The following PRRT1B variants were observed in gnomAD, a reference collection of about 807,000 sequenced individuals.
PRRT1B encodes the protein dispanin subfamily D member 2.
chr9:131,551,036 G>A lies in PRRT1B; in HGVS notation c.26-3521G>A, dbSNP rs28784058. ...CGGCTCACTGCAAGCTCTGCCTCCC[G>A]GGTTCACGCCATTCTTCTGCCTCAG... On this transcript the variant is annotated intron_variant, in intron 1 of 3. Transcript: ENST00000636672. The surrounding 1 kb of genome is among the most constrained non-coding windows in gnomAD (Gnocchi z 4.4). Among the ~76,000 whole-genome samples, 9,409 of 147,852 alleles carry A rather than the reference G, an allele frequency of 0.064. 887 individuals carry two copies. Among genetic ancestry groups the A allele is most frequent in the African/African-American group, 0.21 (8,179 of 39,734 alleles).
Position 131,551,233 on chromosome 9 carries a change from C to T in PRRT1B, c.26-3324C>T, listed in dbSNP as rs1394180484. Among the ~76,000 whole-genome samples the T allele has an allele frequency of 2.0e-5, 3 of 151,970 alleles. No homozygotes were observed. Among genetic ancestry groups the T allele is most frequent in the Non-Finnish European group, 2.9e-5 (2 of 67,990 alleles). On this transcript the variant is annotated intron_variant, in intron 1 of 3. Transcript: ENST00000636672. The surrounding 1 kb of genome is among the most constrained non-coding windows in gnomAD (Gnocchi z 4.4). ...CTGGGATTACGGGTGTGAGCCACCG[C>T]GCCCGACCTGCGTTTAGTTTTTCAA...
chr9:131,548,620 T>G (rs1224057663), intron 1 of PRRT1B, among the ~76,000 whole-genome samples: 1 of 152,084 alleles, frequency 6.6e-6, no homozygotes, highest in Admixed American at 6.6e-5. Context: ...TCCCAAATCT[T>G]CCTTCTTTCC....
chr9:131,545,963 G>C (rs1950971668), intron 1 of PRRT1B, among the ~76,000 whole-genome samples: 2 of 152,210 alleles, frequency 1.3e-5, no homozygotes, highest in East Asian at 3.9e-4. Context: ...GTAGCAAGAT[G>C]GGGGAGAATG....
exon 2 of PRRT1B, chr9:131,554,898 C>T: frequency 2.6e-6 from 1 of 383,792 alleles, no homozygotes; most frequent in Non-Finnish European, 4.6e-6. Flanking sequence ...CCCGCCCTTC[C>T]CGCAGGTGCC....
At chr9:131,546,305 T>A in intron 1 of PRRT1B, among the ~76,000 whole-genome samples, 1 of 149,580 alleles carries the variant, frequency 6.7e-6, no homozygotes, top group Non-Finnish European at 1.5e-5. Flanking sequence ...CCGAGAGAGG[T>A]GGGGTGGGGG....
downstream of PRRT1B, among the ~76,000 whole-genome samples, chr9:131,559,507 G>T (rs141779421): frequency 6.6e-6 from 1 of 152,354 alleles, no homozygotes; most frequent in Non-Finnish European, 1.5e-5. Context: ...AATATTGATA[G>T]CTCAAGCTAA....
At position 131,554,075 on chromosome 9, in the gene PRRT1B, TAC is replaced by T. The variant is rs372580469; in HGVS notation, c.26-480_26-479del. ...CCTGGCTCCACCATGTTACTCTAGC[TAC>T]AGTTTGGCAGCTCCTGGGCACCTCA... On this transcript the variant is annotated intron_variant, in intron 1 of 3. Transcript: ENST00000636672. Among the ~76,000 whole-genome samples the T allele has an allele frequency of 1.1e-4, 16 of 152,252 alleles. No individual in the cohort carries two copies. In the East Asian group the frequency reaches 2.1e-3, roughly 20 times the overall value.
exon 4 of PRRT1B, chr9:131,558,291 C>G (rs892290931): frequency 2.5e-6 from 1 of 400,046 alleles, no homozygotes; most frequent in East Asian, 3.6e-5. Context: ...AGATCCCTGC[C>G]GGTGGCCAGC....
intron 1 of PRRT1B, among the ~76,000 whole-genome samples, chr9:131,550,417 G>C (rs62580644): frequency 0.71 from 107,265 of 152,044 alleles, 39,065 homozygotes; most frequent in African/African-American, 0.9. Flanking sequence ...AGCAAATTAC[G>C]TGCGCTGTAC....
At chr9:131,548,369 C>T (rs1404061909) in intron 1 of PRRT1B, among the ~76,000 whole-genome samples, 1 of 152,182 alleles carries the variant, frequency 6.6e-6, no homozygotes, top group Non-Finnish European at 1.5e-5. Flanking sequence ...GAACTTAAAA[C>T]CTCTTTAACT....
exon 1 of PRRT1B, chr9:131,545,600 G>A: frequency 2.5e-6 from 1 of 396,790 alleles, no homozygotes; most frequent in Non-Finnish European, 4.4e-6. Context: ...CCTTGCAGCC[G>A]CCGCGGGCTC....
chr9:131,552,292 A>T (rs1318882922), intron 1 of PRRT1B, among the ~76,000 whole-genome samples: 4 of 152,166 alleles, frequency 2.6e-5, no homozygotes, highest in Non-Finnish European at 4.4e-5. Context: ...ATGTCTGGCC[A>T]AGTGTGTTTA....
intron 1 of PRRT1B, among the ~76,000 whole-genome samples, chr9:131,553,152 C>T (rs10117759): frequency 0.71 from 108,106 of 152,082 alleles, 39,701 homozygotes; most frequent in African/African-American, 0.92. Context: ...CGATTTACCA[C>T]TTGAACCACT....
chr9:131,546,812 C>A (rs1441293435), intron 1 of PRRT1B, among the ~76,000 whole-genome samples: 1 of 152,182 alleles, frequency 6.6e-6, no homozygotes, highest in Non-Finnish European at 1.5e-5. Flanking sequence ...GCCCTATCTC[C>A]GCGCCATCGG....
chr9:131,557,976 A>C (rs1951061107), intron 3 of PRRT1B, 77 bp from the exon 4 acceptor site: 1 of 398,122 alleles, frequency 2.5e-6, no homozygotes, highest in Non-Finnish European at 4.4e-6. Context: ...AACTGGGCCT[A>C]GCCCTCAATC....
intron 1 of PRRT1B, among the ~76,000 whole-genome samples, chr9:131,553,174 G>A (rs948911689): frequency 2.6e-5 from 4 of 152,042 alleles, no homozygotes; most frequent in South Asian, 2.1e-4. Flanking sequence ...CTAAGTGTGC[G>A]ATTCAGTGGC....
intron 3 of PRRT1B, 81 bp from the exon 4 acceptor site, chr9:131,557,972 G>A (rs1951061063): frequency 2.5e-6 from 1 of 398,176 alleles, no homozygotes; most frequent in Non-Finnish European, 4.4e-6. Flanking sequence ...GTGGAACTGG[G>A]CCTAGCCCTC....
exon 4 of PRRT1B, chr9:131,558,483 C>G (rs1197905920): frequency 3.3e-6 from 1 of 306,298 alleles, no homozygotes; most frequent in Admixed American, 5.1e-5. Flanking sequence ...CCCACCAGAG[C>G]CCCATTTCCC....
chr9:131,556,245 C>G (rs1290197934), intron 3 of PRRT1B, 32 bp downstream of exon 3: 9 of 400,672 alleles, frequency 2.2e-5, no homozygotes, highest in Admixed American at 8.8e-5. Context: ...GGCACAGCCT[C>G]TCCTAGCACG....
Sources: allele counts gnomAD v4.1 joint callset (sites outside exome capture counted in the v4.1 genomes callset), GRCh38; gene constraint gnomAD v4.1.1; non-coding constraint Gnocchi (gnomAD v3.1); transcripts MANE v1.5; gene names NCBI Gene and HGNC (gene_info 2026-07-23, HGNC 2026-07-21).